The following GPC5 variants were observed in gnomAD, a reference collection of about 807,000 sequenced individuals.
GPC5 encodes the protein glypican-5.
Under a neutral mutation model 53.9 loss-of-function variants are expected in GPC5, and 47 were observed. That is an observed-to-expected ratio of 0.87 (90% CI 0.69 to 1.11). GPC5 has a LOEUF of 1.11. GPC5 is among the 50% of genes most tolerant of loss of function. GPC5 has a pLI of 0.00. For missense variants in GPC5, 748 were observed against 713.1 expected (o/e 1.05, Z -0.56); for synonymous variants, 286 against 263.3 (o/e 1.09, Z -0.84).
At chr13:92,220,209 C>T (rs1178977363) in intron 7 of GPC5, among the ~76,000 whole-genome samples, 3 of 152,002 alleles carry the variant, frequency 2.0e-5, no homozygotes, top group Non-Finnish European at 4.4e-5. Context: ...TACTTGAGCA[C>T]CAGCCTCTAG....
intron 7 of GPC5, among the ~76,000 whole-genome samples, chr13:92,161,039 GTT>G (rs144315494): frequency 0.7 from 100,205 of 142,600 alleles, 34,958 homozygotes; most frequent in Middle Eastern, 0.87. Context: ...GCTCAAAAGT[GTT>G]TTTTTTTTTT....
At chr13:92,381,918 A>ATAT (rs796383905) in intron 7 of GPC5, among the ~76,000 whole-genome samples, 1 of 45,062 alleles carries the variant, frequency 2.2e-5, no homozygotes, top group Non-Finnish European at 5.0e-5. Flanking sequence ...TGATATATAT[A>ATAT]ATCATATATA....
intron 7 of GPC5, among the ~76,000 whole-genome samples, chr13:92,423,448 T>C (rs890083737): frequency 2.0e-5 from 3 of 152,210 alleles, no homozygotes; most frequent in Non-Finnish European, 4.4e-5. Flanking sequence ...AATAGTGAAA[T>C]GGGAAAAATA....
chr13:92,553,612 G>A (rs1372845513), intron 7 of GPC5, among the ~76,000 whole-genome samples: 1 of 151,904 alleles, frequency 6.6e-6, no homozygotes, highest in Non-Finnish European at 1.5e-5. Context: ...AGAATATATC[G>A]AAGCCGAGGG....
intron 7 of GPC5, chr13:92,719,817 T>C (rs1273592108): frequency 1.3e-5 from 2 of 152,192 alleles, no homozygotes; most frequent in East Asian, 1.9e-4. Flanking sequence ...CAAACACTTA[T>C]AGTTTGCTAT....
In GPC5 at chr13:92,659,548, T is replaced by C. The variant is rs1423052726; in HGVS notation, c.1562-206734T>C. On this transcript the variant is annotated intron_variant, in intron 7 of 7. Transcript: ENST00000377067. The stretch of plus-strand genomic sequence containing the variant: ...TCCTGCTGCTTACTAGATGTGTGTG[T>C]TATATAGACACTTTAAATTCAATTT... 4.6e-5 allele frequency among the ~76,000 whole-genome samples: 7 copies of C among 152,246 alleles called. No homozygotes were observed. The South Asian group carries it at 1.2e-3, about 27-fold the overall frequency.
intron 7 of GPC5, among the ~76,000 whole-genome samples, chr13:92,206,670 A>T (rs964814740): frequency 6.6e-6 from 1 of 152,160 alleles, no homozygotes; most frequent in Non-Finnish European, 1.5e-5. Context: ...TTCCTTATAC[A>T]TTTGACCATC....
chr13:92,506,544 C>A (rs1880375942), intron 7 of GPC5, among the ~76,000 whole-genome samples: 1 of 152,056 alleles, frequency 6.6e-6, no homozygotes, highest in Non-Finnish European at 1.5e-5. Context: ...TTGACAGTGA[C>A]CAGAATATGA....
intron 6 of GPC5, among the ~76,000 whole-genome samples, chr13:92,048,477 C>A (rs2041001362): frequency 6.6e-6 from 1 of 152,030 alleles, no homozygotes; most frequent in Non-Finnish European, 1.5e-5. Context: ...AGAAAGTCAG[C>A]CAGGAGGGTG....
At chr13:92,682,790 G>C (rs1887148466) in intron 7 of GPC5, among the ~76,000 whole-genome samples, 1 of 152,092 alleles carries the variant, frequency 6.6e-6, no homozygotes, top group Non-Finnish European at 1.5e-5. Context: ...GAAATTTTCA[G>C]TTTATTCATG....
chr13:92,427,394 C>T lies in GPC5; in HGVS notation c.1561+282405C>T, dbSNP rs1306179377. Among the ~76,000 whole-genome samples, 3 of 150,362 alleles carry T rather than the reference C, an allele frequency of 2.0e-5. No individual in the cohort carries two copies. In the East Asian group the frequency reaches 5.9e-4, roughly 29 times the overall value. ...TTCTTATTTTCCAATAGAAGAAATG[C>T]ACAAATTCCTCAGGAGGAGCAAAAT... On this transcript the variant is annotated intron_variant, in intron 7 of 7. Coordinates refer to ENST00000377067, the MANE Select transcript of GPC5 (RefSeq NM_004466.6).
At chr13:91,787,081 T>C (rs1197585101) in intron 5 of GPC5, among the ~76,000 whole-genome samples, 1 of 152,138 alleles carries the variant, frequency 6.6e-6, no homozygotes, top group Non-Finnish European at 1.5e-5. Flanking sequence ...TTCTAATTAG[T>C]TTTAATGTCT....
intron 2 of GPC5, among the ~76,000 whole-genome samples, chr13:91,472,081 T>C: frequency 6.6e-6 from 1 of 152,184 alleles, no homozygotes; most frequent in Non-Finnish European, 1.5e-5. Flanking sequence ...ATTTTCCTTC[T>C]GCAATAGGTC....
intron 7 of GPC5, among the ~76,000 whole-genome samples, chr13:92,717,589 A>G (rs2139281101): frequency 1.3e-5 from 2 of 152,252 alleles, no homozygotes; most frequent in East Asian, 3.9e-4. Flanking sequence ...CCACACATCA[A>G]ATGTGTATTT....
chr13:91,954,067 T>G (rs1386817190), intron 6 of GPC5, among the ~76,000 whole-genome samples: 1 of 152,222 alleles, frequency 6.6e-6, no homozygotes, highest in African/African-American at 2.4e-5. Context: ...GGTTCTATAT[T>G]TGTTATAGTA....
chr13:92,335,897 TG>T (rs1023453370), intron 7 of GPC5, among the ~76,000 whole-genome samples: 17 of 152,278 alleles, frequency 1.1e-4, no homozygotes, highest in Non-Finnish European at 2.1e-4. Context: ...AACCTCTTCA[TG>T]TCTTCTGAGC....
intron 7 of GPC5, among the ~76,000 whole-genome samples, chr13:92,337,908 T>A (rs2043336044): frequency 6.6e-6 from 1 of 152,214 alleles, no homozygotes; most frequent in Non-Finnish European, 1.5e-5. Context: ...GGAAAAGGCT[T>A]TTTAGATATA....
At chr13:91,738,195 T>A (rs2036854392) in intron 4 of GPC5, among the ~76,000 whole-genome samples, 1 of 151,524 alleles carries the variant, frequency 6.6e-6, no homozygotes, top group African/African-American at 2.5e-5. Context: ...AGGAAAATTT[T>A]CTTTATAGAT....
At chr13:91,809,481 G>T (rs989168034) in intron 5 of GPC5, among the ~76,000 whole-genome samples, 2 of 152,086 alleles carry the variant, frequency 1.3e-5, no homozygotes, top group African/African-American at 2.4e-5. Flanking sequence ...TCTGGCTGAC[G>T]TTTGACTTGG....
Sources: gnomAD v4.1 joint callset for allele counts (sites outside exome capture counted in the v4.1 genomes callset) on GRCh38, gnomAD v4.1.1 for gene constraint, MANE v1.5 for transcripts, NCBI Gene and HGNC (gene_info 2026-07-23, HGNC 2026-07-21) for gene names.